FOXP2: variants seen among roughly 807,000 people sequenced by gnomAD.
FOXP2 encodes the protein forkhead box protein P2.
A neutral mutation model predicts 115.8 loss-of-function variants in FOXP2; 12 were observed. The observed-to-expected ratio is 0.10, with a 90% CI of 0.07 to 0.17. The LOEUF (loss-of-function observed/expected upper bound fraction) is 0.17, where lower values mean the gene tolerates loss of function less well. Among genes scored for constraint, FOXP2 ranks in the 10% least tolerant of loss-of-function variants. FOXP2 has a pLI of 1.00. For missense variants in FOXP2, 629 were observed against 843.5 expected, an observed-to-expected ratio of 0.75 and a Z score of 3.15; for synonymous variants, 328 against 297.7, an observed-to-expected ratio of 1.10 and a Z score of -1.05.
chr7:114,463,488 A>G (rs925484952), intron 2 of FOXP2, among the ~76,000 whole-genome samples: 1 of 152,208 alleles, frequency 6.6e-6, no homozygotes, highest in African/African-American at 2.4e-5. Flanking sequence ...AAATGGGTAC[A>G]TGTGGCTAAT....
chr7:114,298,043 C>T (rs1211093150), intron 2 of FOXP2, among the ~76,000 whole-genome samples: 2 of 152,064 alleles, frequency 1.3e-5, no homozygotes, highest in Non-Finnish European at 2.9e-5. Flanking sequence ...GGACTCCAAC[C>T]GTTTATTTCT....
At chr7:114,435,255 A>G (rs1311340103) in intron 2 of FOXP2, among the ~76,000 whole-genome samples, 1 of 152,198 alleles carries the variant, frequency 6.6e-6, no homozygotes, top group African/African-American at 2.4e-5. Flanking sequence ...GAGGAGGGAC[A>G]GACTCAGTCT....
chr7:114,480,289 A>T (rs1192207186), intron 2 of FOXP2, among the ~76,000 whole-genome samples: 1 of 151,502 alleles, frequency 6.6e-6, no homozygotes, highest in Non-Finnish European at 1.5e-5. Context: ...TTGTAACTGG[A>T]AGCTTGCAAT....
In FOXP2 at chr7:114,556,834, G is replaced by A. The variant is rs533547494; in HGVS notation, c.258+22128G>A. On this transcript the variant is annotated intron_variant, in intron 3 of 16. Coordinates refer to ENST00000350908, the MANE Select transcript of FOXP2 (RefSeq NM_014491.4). The stretch of plus-strand genomic sequence containing the variant: ...GTTTTTTCTAGTTTATTGCTTAAAA[G>A]TATATCTCTATAAGAATATCAGATA... Among the ~76,000 whole-genome samples the A allele has an allele frequency of 3.3e-5, 5 of 152,190 alleles. No individual in the cohort carries two copies. The East Asian group carries it at 9.7e-4, about 29-fold the overall frequency.
intron 3 of FOXP2, chr7:114,561,555 T>C (rs1472593607): frequency 6.6e-6 from 1 of 152,210 alleles, no homozygotes; most frequent in African/African-American, 2.4e-5. Context: ...CTTAAGGAAA[T>C]AGTAATCTCT....
At chr7:114,190,039 T>G (rs1418213848) in intron 1 of FOXP2, among the ~76,000 whole-genome samples, 2 of 152,204 alleles carry the variant, frequency 1.3e-5, no homozygotes, top group African/African-American at 4.8e-5. Flanking sequence ...TCTAGCATTA[T>G]TTACTTATCT....
At chr7:114,509,858 T>TAA in intron 2 of FOXP2, among the ~76,000 whole-genome samples, 1 of 150,970 alleles carries the variant, frequency 6.6e-6, no homozygotes. Context: ...TGAGTCTGAG[T>TAA]AAGACCACCT....
intron 2 of FOXP2, among the ~76,000 whole-genome samples, chr7:114,465,671 A>C (rs1330501975): frequency 6.6e-6 from 1 of 152,206 alleles, no homozygotes; most frequent in Admixed American, 6.5e-5. Flanking sequence ...GAGCAATTTC[A>C]GATAGCCCAA....
chr7:114,687,641 T>C (rs760274057), intron 16 of FOXP2, among the ~76,000 whole-genome samples: 2 of 152,200 alleles, frequency 1.3e-5, no homozygotes, highest in Non-Finnish European at 2.9e-5. Context: ...AGCGACCTTG[T>C]GTAGTCTAGA....
intron 2 of FOXP2, among the ~76,000 whole-genome samples, chr7:114,395,165 A>T (rs1792708983): frequency 6.6e-6 from 1 of 152,208 alleles, no homozygotes; most frequent in South Asian, 2.1e-4. Flanking sequence ...AAGAACTGAC[A>T]ATGATGGCAG....
chr7:114,449,438 T>G (rs1049187604), intron 2 of FOXP2, among the ~76,000 whole-genome samples: 1 of 152,094 alleles, frequency 6.6e-6, no homozygotes, highest in African/African-American at 2.4e-5. Context: ...CACTTGTACA[T>G]ATCCCACTCT....
intron 1 of FOXP2, among the ~76,000 whole-genome samples, chr7:114,420,608 A>G (rs10228350): frequency 6.6e-6 from 1 of 151,714 alleles, no homozygotes; most frequent in Admixed American, 6.6e-5. Flanking sequence ...CCTCTTACAT[A>G]TCTAAGACAT....
chr7:114,617,747 C>T (rs1278105608), intron 3 of FOXP2, among the ~76,000 whole-genome samples: 4 of 152,274 alleles, frequency 2.6e-5, no homozygotes, highest in East Asian at 1.9e-4. Context: ...GAGCTGAGAT[C>T]GTGCCCTTGC....
upstream of FOXP2, among the ~76,000 whole-genome samples, chr7:114,410,084 A>G (rs903197866): frequency 6.6e-6 from 1 of 152,066 alleles, no homozygotes; most frequent in African/African-American, 2.4e-5. Flanking sequence ...GGCAGTTCCA[A>G]TACTGGGATC....
At chr7:114,613,433 T>G (rs1341954759) in intron 3 of FOXP2, among the ~76,000 whole-genome samples, 1 of 152,090 alleles carries the variant, frequency 6.6e-6, no homozygotes, top group African/African-American at 2.4e-5. Flanking sequence ...CCCAGTACTT[T>G]AGGAGGCCAA....
intron 2 of FOXP2, among the ~76,000 whole-genome samples, chr7:114,454,338 A>C (rs1428726684): frequency 1.3e-5 from 2 of 152,198 alleles, no homozygotes; most frequent in Non-Finnish European, 2.9e-5. Flanking sequence ...CACACCAGTT[A>C]GAATGGCGAT....
intron 1 of FOXP2, among the ~76,000 whole-genome samples, chr7:114,264,113 CTT>C (rs1795833640): frequency 6.6e-6 from 1 of 152,040 alleles, no homozygotes; most frequent in Non-Finnish European, 1.5e-5. Context: ...GGTCAAAACT[CTT>C]TAATACTTAT....
intron 2 of FOXP2, among the ~76,000 whole-genome samples, chr7:114,331,163 G>A (rs571980267): frequency 6.6e-6 from 1 of 152,124 alleles, no homozygotes; most frequent in East Asian, 1.9e-4. Context: ...TGATAAATAA[G>A]ACAAATAAAT....
At chr7:114,448,610 G>A (rs2129216965) in intron 2 of FOXP2, among the ~76,000 whole-genome samples, 1 of 152,006 alleles carries the variant, frequency 6.6e-6, no homozygotes, top group African/African-American at 2.4e-5. Flanking sequence ...TTAATATTTG[G>A]TAGTACAGCT....
Sources: gnomAD v4.1 joint callset for allele counts (sites outside exome capture counted in the v4.1 genomes callset) on GRCh38, gnomAD v4.1.1 for gene constraint, MANE v1.5 for transcripts, NCBI Gene and HGNC (gene_info 2026-07-23, HGNC 2026-07-21) for gene names.